COL25A1: variants seen among roughly 807,000 people sequenced by gnomAD.
COL25A1 encodes collagen type XXV alpha 1 chain.
Under a neutral mutation model 128.4 loss-of-function variants are expected in COL25A1, and 103 were observed. The ratio of observed to expected loss-of-function variants is 0.80; its 90% CI spans 0.68 to 0.94. The LOEUF is 0.94. COL25A1 is among the 40% of genes least tolerant of loss of function. The pLI, the probability that COL25A1 is intolerant of heterozygous loss-of-function variation, is 0.00. For synonymous variants in COL25A1, 279 were observed against 277.2 expected, an observed-to-expected ratio of 1.01 and a Z score of -0.06; for missense variants, 745 against 840.0, an observed-to-expected ratio of 0.89 and a Z score of 1.40.
At chr4:108,975,821 T>C (rs1752377940) in intron 6 of COL25A1, among the ~76,000 whole-genome samples, 1 of 152,232 alleles carries the variant, frequency 6.6e-6, no homozygotes, top group South Asian at 2.1e-4. Flanking sequence ...ATAAAGTGTC[T>C]CTTCATACCT....
chr4:108,959,995 C>T (rs1043521996), intron 8 of COL25A1, among the ~76,000 whole-genome samples: 10 of 152,028 alleles, frequency 6.6e-5, no homozygotes, highest in African/African-American at 2.2e-4. Context: ...AAAGAAAAGG[C>T]TGCAAGACTG....
At chr4:108,997,067 C>T (rs1013065088) in intron 6 of COL25A1, among the ~76,000 whole-genome samples, 3 of 152,074 alleles carry the variant, frequency 2.0e-5, no homozygotes, top group African/African-American at 7.2e-5. Flanking sequence ...ATTAAAAGAA[C>T]TAGAGAAACA....
chr4:108,915,710 C>G (rs555946091), intron 13 of COL25A1, among the ~76,000 whole-genome samples: 2 of 152,208 alleles, frequency 1.3e-5, no homozygotes, highest in East Asian at 3.9e-4. Flanking sequence ...TGCCATATTT[C>G]TGATGGCTTA....
chr4:109,060,435 T>C (rs2125963246), intron 3 of COL25A1, among the ~76,000 whole-genome samples: 1 of 152,248 alleles, frequency 6.6e-6, no homozygotes, highest in East Asian at 1.9e-4. Flanking sequence ...ACCCTAACAG[T>C]ATCACATAGC....
chr4:109,260,012 T>G (rs1781330602), intron 3 of COL25A1, among the ~76,000 whole-genome samples: 1 of 152,196 alleles, frequency 6.6e-6, no homozygotes, highest in Admixed American at 6.5e-5. Context: ...TTTCTCAAAT[T>G]TTTACTGGAG....
At chr4:109,202,307 C>T (rs555484756) in intron 3 of COL25A1, among the ~76,000 whole-genome samples, 8 of 151,776 alleles carry the variant, frequency 5.3e-5, no homozygotes, top group African/African-American at 1.7e-4. Flanking sequence ...CGGGCCCACA[C>T]AAATATAGCC....
chr4:109,120,431 A>G (rs940813301), intron 3 of COL25A1, among the ~76,000 whole-genome samples: 7 of 152,162 alleles, frequency 4.6e-5, no homozygotes, highest in African/African-American at 1.7e-4. Context: ...CAATTATAAC[A>G]AGATTTCAGG....
At chr4:109,209,665 C>A (rs1777333140) in intron 3 of COL25A1, among the ~76,000 whole-genome samples, 1 of 152,110 alleles carries the variant, frequency 6.6e-6, no homozygotes, top group Non-Finnish European at 1.5e-5. Flanking sequence ...CAGACTATTT[C>A]TACGTAATGT....
intron 3 of COL25A1, among the ~76,000 whole-genome samples, chr4:109,299,020 C>A (rs1725254278): frequency 6.6e-6 from 1 of 152,208 alleles, no homozygotes; most frequent in African/African-American, 2.4e-5. Flanking sequence ...AGCTAGCCTA[C>A]ATTAAACATC....
chr4:109,148,394 T>A (rs779690346), intron 3 of COL25A1, among the ~76,000 whole-genome samples: 2 of 152,204 alleles, frequency 1.3e-5, no homozygotes, highest in Non-Finnish European at 2.9e-5. Context: ...AAAGAATATA[T>A]TGCCTGTTCT....
chr4:108,949,241 C>G (rs990910460), intron 8 of COL25A1, among the ~76,000 whole-genome samples: 5 of 152,178 alleles, frequency 3.3e-5, no homozygotes, highest in Non-Finnish European at 7.3e-5. Context: ...GAGAACAGTA[C>G]TGTCTTAGGG....
intron 20 of COL25A1, among the ~76,000 whole-genome samples, chr4:108,868,854 AAAG>A (rs918704193): frequency 6.7e-6 from 1 of 149,534 alleles, no homozygotes; most frequent in African/African-American, 2.5e-5. Flanking sequence ...GATAGGAAGG[AAAG>A]AAGGAAGGAA....
intron 8 of COL25A1, among the ~76,000 whole-genome samples, chr4:108,973,829 C>T (rs1057321467): frequency 6.6e-6 from 1 of 151,562 alleles, no homozygotes; most frequent in Admixed American, 6.6e-5. Flanking sequence ...ATGCTCCCTC[C>T]TACCTGCAAT....
intron 13 of COL25A1, among the ~76,000 whole-genome samples, chr4:108,913,831 C>A (rs753170006): frequency 3.9e-5 from 6 of 152,128 alleles, no homozygotes; most frequent in Non-Finnish European, 7.4e-5. Flanking sequence ...TTAAATAGCT[C>A]ACATTTCTCC....
intron 3 of COL25A1, among the ~76,000 whole-genome samples, chr4:109,115,676 T>C (rs1767474206): frequency 6.6e-6 from 1 of 151,930 alleles, no homozygotes; most frequent in Admixed American, 6.6e-5. Flanking sequence ...TATTAGGCAA[T>C]AAAAAAGAAG....
intron 3 of COL25A1, among the ~76,000 whole-genome samples, chr4:109,055,464 C>G (rs1761371423): frequency 6.6e-6 from 1 of 152,216 alleles, no homozygotes; most frequent in African/African-American, 2.4e-5. Flanking sequence ...TCCCACACAG[C>G]AGATCCCAGC....
At chr4:108,867,828 G>A (rs1170515579) in intron 20 of COL25A1, among the ~76,000 whole-genome samples, 1 of 152,054 alleles carries the variant, frequency 6.6e-6, no homozygotes, top group Non-Finnish European at 1.5e-5. Flanking sequence ...TACTTTTTAT[G>A]TCTTTCAGGG....
intron 32 of COL25A1, among the ~76,000 whole-genome samples, chr4:108,829,920 C>G (rs915228841): frequency 2.0e-5 from 3 of 152,192 alleles, no homozygotes; most frequent in Non-Finnish European, 2.9e-5. Context: ...CTGCCAGTGT[C>G]TCACCAGAGA....
At chr4:109,186,647 A>T (rs1297808226) in intron 3 of COL25A1, among the ~76,000 whole-genome samples, 3 of 152,222 alleles carry the variant, frequency 2.0e-5, no homozygotes, top group Non-Finnish European at 1.5e-5. Context: ...GTCCCCTTTC[A>T]TAGCCTGACA....
Sources: allele counts gnomAD v4.1 joint callset (sites outside exome capture counted in the v4.1 genomes callset), GRCh38; gene constraint gnomAD v4.1.1; transcripts MANE v1.5; gene names NCBI Gene and HGNC (gene_info 2026-07-23, HGNC 2026-07-21).